The following WDR27 variants were observed in gnomAD, a reference collection of about 807,000 sequenced individuals.
The protein encoded by WDR27 is WD repeat domain 27.
WDR27 carries 100 observed loss-of-function variants against 114.4 expected under a neutral mutation model. The ratio of observed to expected loss-of-function variants is 0.87; its 90% CI spans 0.74 to 1.03. The LOEUF is 1.03. Ranked by LOEUF, WDR27 falls within the 50% of genes least tolerant of loss-of-function variation. WDR27 has a pLI of 0.00. For missense variants in WDR27, 1,129 were observed against 1,092.9 expected (o/e 1.03, Z -0.47); for synonymous variants, 449 against 423.1 (o/e 1.06, Z -0.75).
At chr6:169,632,924 A>G (rs1816765852) in intron 21 of WDR27, 23 bp downstream of exon 21, 8 of 1,571,888 alleles carry the variant, frequency 5.1e-6, no homozygotes, top group Non-Finnish European at 7.0e-6. Context: ...CAGATGATAC[A>G]TGTTATCCAA....
At chr6:169,667,275 AT>A in intron 5 of WDR27, 88 bp from the exon 6 acceptor site, 1 of 1,321,084 alleles carries the variant, frequency 7.6e-7, no homozygotes. Flanking sequence ...TCACTATCAG[AT>A]TAGTCAACAC....
rs1167266166 is a variant in WDR27, at chr6:169,662,306, T to A, written c.1023A>T (p.Gly341=). 1.2e-6 allele frequency: 2 copies of A among 1,613,314 alleles called. No individual in the cohort carries two copies. Among genetic ancestry groups the A allele is most frequent in the African/African-American group, 1.3e-5 (1 of 74,938 alleles). ...TAGGCAAAGTTTTTGATACTTACCATCCACATGCAGAATTTGGGATGAGTG... is the reference window on the plus strand; with the variant it reads ...TAGGCAAAGTTTTTGATACTTACCAACCACATGCAGAATTTGGGATGAGTG... ...DLSLIPNSAC[G]CLSSENTRCV... The change falls in exon 9 of 26, where the codon GGA becomes GGT. Residue 341 remains glycine, a splice_region_variant and synonymous_variant. Coordinates refer to ENST00000448612, the MANE Select transcript of WDR27 (RefSeq NM_182552.5).
intron 7 of WDR27, 94 bp from the exon 8 acceptor site, chr6:169,664,380 G>T: frequency 6.3e-7 from 1 of 1,594,338 alleles, no homozygotes; most frequent in East Asian, 2.2e-5. Flanking sequence ...GGGCAGACAC[G>T]TCACAGGACG....
In WDR27 at chr6:169,457,371, C is replaced by T; in HGVS notation, c.*221G>A. The T allele has an allele frequency of 2.4e-6, 1 of 415,508 alleles. No individual in the cohort carries two copies. The highest frequency in any genetic ancestry group is 6.3e-5 in the South Asian group (1 of 15,806). 25.7% of individuals were successfully genotyped at this position (415,508 alleles called of 1,614,324 possible). Reference sequence around the variant, plus strand: ...AGTACTGGACGCCATTTCCATTTTCCCAATGAAGGGGATCCCTTTTGAGGA... The same window carrying T: ...AGTACTGGACGCCATTTCCATTTTCTCAATGAAGGGGATCCCTTTTGAGGA... On this transcript the variant is annotated 3_prime_UTR_variant, in exon 26 of 26. Coordinates refer to ENST00000448612, the MANE Select transcript of WDR27 (RefSeq NM_182552.5).
At position 169,660,776 on chromosome 6, in the gene WDR27, G is replaced by A. The variant is rs746556866; in HGVS notation, c.1026-10C>T. ...GTTCTCAGAAGAAAGACTGATTTAA[G>A]GAAAAAAAGAAAAGAATACACAATA... On this transcript the variant is annotated splice_polypyrimidine_tract_variant and intron_variant, in intron 9 of 25. Transcript: ENST00000448612. 5.6e-6 allele frequency: 9 copies of A among 1,610,318 alleles called. No homozygotes were observed. The highest frequency in any genetic ancestry group is 5.5e-5 in the South Asian group (5 of 91,016).
chr6:169,478,572 A>G (rs1787523243), intron 25 of WDR27, among the ~76,000 whole-genome samples: 1 of 152,144 alleles, frequency 6.6e-6, no homozygotes, highest in Non-Finnish European at 1.5e-5. Flanking sequence ...GAAAAAAAAA[A>G]GATGGCTTTT....
chr6:169,543,165 T>C (rs1048832807), intron 25 of WDR27, among the ~76,000 whole-genome samples: 1 of 152,094 alleles, frequency 6.6e-6, no homozygotes, highest in Non-Finnish European at 1.5e-5. Context: ...TACATATTCG[T>C]TTTATATCTT....
At chr6:169,651,704 T>C (rs1822611133) in intron 14 of WDR27, among the ~76,000 whole-genome samples, 1 of 152,130 alleles carries the variant, frequency 6.6e-6, no homozygotes. Flanking sequence ...GGAGGACTGC[T>C]CTGAGGCCCA....
intron 25 of WDR27, among the ~76,000 whole-genome samples, chr6:169,523,373 T>A (rs1464945406): frequency 1.3e-5 from 2 of 152,096 alleles, no homozygotes; most frequent in African/African-American, 4.8e-5. Context: ...AATTAAGAAC[T>A]TATACCAATT....
At chr6:169,457,687 T>C (rs992704353) in intron 25 of WDR27, 53 bp from the exon 26 acceptor site, 6 of 1,408,194 alleles carry the variant, frequency 4.3e-6, no homozygotes, top group Non-Finnish European at 4.9e-6. Context: ...TATTAATTGA[T>C]AACTCTATAA....
chr6:169,599,832 A>G (rs977368075), intron 23 of WDR27, among the ~76,000 whole-genome samples: 14 of 151,914 alleles, frequency 9.2e-5, no homozygotes, highest in Non-Finnish European at 1.8e-4. Context: ...TTGCTTCTCT[A>G]GTTCTTTTAA....
intron 6 of WDR27, chr6:169,666,923 C>A (rs1827981926): frequency 1.0e-6 from 1 of 985,440 alleles, no homozygotes; most frequent in Non-Finnish European, 1.2e-6. Flanking sequence ...AGACTCCAAG[C>A]ATCCATTTAA....
intron 24 of WDR27, among the ~76,000 whole-genome samples, chr6:169,578,857 G>A (rs926772970): frequency 5.3e-5 from 8 of 152,198 alleles, no homozygotes; most frequent in Admixed American, 4.6e-4. Flanking sequence ...GAGAGACTCA[G>A]GGAGATCAAG....
downstream of WDR27, among the ~76,000 whole-genome samples, chr6:169,454,471 A>G (rs1784274668): frequency 6.6e-6 from 1 of 152,116 alleles, no homozygotes; most frequent in Non-Finnish European, 1.5e-5. Flanking sequence ...CAGCACCTTT[A>G]CTCTGAAAAC....
At chr6:169,609,551 G>T (rs991082828) in intron 22 of WDR27, among the ~76,000 whole-genome samples, 1 of 152,186 alleles carries the variant, frequency 6.6e-6, no homozygotes, top group African/African-American at 2.4e-5. Flanking sequence ...GCCATGGCTG[G>T]AGCGGCTGGG....
chr6:169,536,252 A>G (rs547530944), intron 25 of WDR27, among the ~76,000 whole-genome samples: 2 of 152,336 alleles, frequency 1.3e-5, no homozygotes, highest in African/African-American at 4.8e-5. Context: ...TAAGCCTTAT[A>G]TAAGGACCAC....
chr6:169,442,053 G>T, the WDR27 span, among the ~76,000 whole-genome samples: 1 of 152,160 alleles, frequency 6.6e-6, no homozygotes, highest in African/African-American at 2.4e-5. Context: ...ATGGCCATTG[G>T]CAATTATAAG....
chr6:169,469,156 A>T (rs75053388), intron 25 of WDR27, among the ~76,000 whole-genome samples: 2 of 152,206 alleles, frequency 1.3e-5, no homozygotes, highest in East Asian at 3.8e-4. Flanking sequence ...TGTTCTTCTT[A>T]CATGTAAAAT....
intron 25 of WDR27, among the ~76,000 whole-genome samples, chr6:169,470,618 G>A (rs1195955523): frequency 1.3e-5 from 2 of 152,228 alleles, no homozygotes; most frequent in Non-Finnish European, 2.9e-5. Flanking sequence ...CATTCCATCA[G>A]TTTACACATG....
Sources: allele counts gnomAD v4.1 joint callset (sites outside exome capture counted in the v4.1 genomes callset), GRCh38; gene constraint gnomAD v4.1.1; transcripts MANE v1.5; gene names NCBI Gene and HGNC (gene_info 2026-07-23, HGNC 2026-07-21).